The following IMPG2 variants were observed in gnomAD, a reference collection of about 807,000 sequenced individuals.
IMPG2 encodes the protein interphotoreceptor matrix proteoglycan 2, also known as IPM 200.
Under a neutral mutation model 129.2 loss-of-function variants are expected in IMPG2, and 91 were observed. The ratio of observed to expected loss-of-function variants is 0.70; its 90% CI spans 0.59 to 0.84. IMPG2 has a LOEUF of 0.84. IMPG2 is among the 40% of genes least tolerant of loss of function. The pLI, the probability that IMPG2 is intolerant of heterozygous loss-of-function variation, is 0.00. For synonymous variants in IMPG2, 510 were observed against 517.7 expected, an observed-to-expected ratio of 0.99 and a Z score of 0.20; for missense variants, 1,430 against 1,461.7, an observed-to-expected ratio of 0.98 and a Z score of 0.35.
At chr3:101,257,471 A>G (rs2107234512) in intron 10 of IMPG2, 58 bp downstream of exon 10, 1 of 1,598,584 alleles carries the variant, frequency 6.3e-7, no homozygotes, top group East Asian at 2.2e-5. Flanking sequence ...ATTAGTTTAC[A>G]CCAGAGCATA....
chr3:101,232,759 A>T (rs1706303319), intron 15 of IMPG2, 22 bp downstream of exon 15: 1 of 1,609,850 alleles, frequency 6.2e-7, no homozygotes, highest in Non-Finnish European at 8.5e-7. Flanking sequence ...CTCTAAAGTC[A>T]AAATCTGTAA....
chr3:101,230,707 T>G (rs554433937), intron 16 of IMPG2, among the ~76,000 whole-genome samples: 2 of 152,270 alleles, frequency 1.3e-5, no homozygotes, highest in East Asian at 3.9e-4. Flanking sequence ...TCATTAAAAC[T>G]TTTAAGACTC....
At chr3:101,304,123 C>T in intron 3 of IMPG2, 23 bp downstream of exon 3, 1 of 1,612,556 alleles carries the variant, frequency 6.2e-7, no homozygotes, top group Non-Finnish European at 8.5e-7. Flanking sequence ...TCCAGGAATC[C>T]CTTCCTTTGT....
chr3:101,275,231 T>C (rs893437691), intron 6 of IMPG2, among the ~76,000 whole-genome samples: 2 of 152,192 alleles, frequency 1.3e-5, no homozygotes, highest in African/African-American at 4.8e-5. Context: ...TGTTGTTTAG[T>C]GGACAGGTTT....
At chr3:101,299,909 C>A (rs1337360973) in intron 3 of IMPG2, among the ~76,000 whole-genome samples, 1 of 152,188 alleles carries the variant, frequency 6.6e-6, no homozygotes, top group Non-Finnish European at 1.5e-5. Flanking sequence ...ACACACTTAA[C>A]AAAGCACTTT....
At chr3:101,282,357 G>A (rs1036863743) in intron 4 of IMPG2, among the ~76,000 whole-genome samples, 1 of 152,022 alleles carries the variant, frequency 6.6e-6, no homozygotes, top group East Asian at 1.9e-4. Context: ...TCCCACAGTC[G>A]GCAGTCTCCA....
At chr3:101,231,585 A>C (rs1706288307) in intron 15 of IMPG2, among the ~76,000 whole-genome samples, 1 of 152,240 alleles carries the variant, frequency 6.6e-6, no homozygotes, top group Non-Finnish European at 1.5e-5. Flanking sequence ...GGGAAAGGAA[A>C]TCACTGCTTT....
In IMPG2 at chr3:101,228,896, A is replaced by T; in HGVS notation, c.3634-20T>A. The stretch of plus-strand genomic sequence containing the variant: ...AATTTCCTTAAACAAAAAAGAAACA[A>T]TAGGCCACACATTGCATTAGAAAAA... On this transcript the variant is annotated intron_variant, in intron 17 of 18. Coordinates refer to ENST00000193391, the MANE Select transcript of IMPG2 (RefSeq NM_016247.4). 6.4e-7 allele frequency: 1 copy of T among 1,570,202 alleles called. No individual in the cohort carries two copies. Among genetic ancestry groups the T allele is most frequent in the Non-Finnish European group, 8.8e-7 (1 of 1,140,066 alleles).
rs748254660 is a variant in IMPG2 at position 101,319,639 on chromosome 3, T to G, written c.279A>C (p.Pro93=). The part of the protein sequence containing the change: ...ILFPNGVKIC[P]DESVAEAVAN... ...CCACAGCCTCTGCAACACTTTCATC[T>G]GGGCAGATTTTCACTCCATTAGGAA... The change falls in exon 2 of 19, where the codon CCA becomes CCC. Residue 93 remains proline, a synonymous_variant. Transcript: ENST00000193391. 1.2e-6 allele frequency: 2 copies of G among 1,613,650 alleles called. No homozygotes were observed. Among genetic ancestry groups the G allele is most frequent in the East Asian group, 2.2e-5 (1 of 44,888 alleles).
At chr3:101,293,668 T>C (rs1707046079) in intron 3 of IMPG2, among the ~76,000 whole-genome samples, 1 of 152,256 alleles carries the variant, frequency 6.6e-6, no homozygotes, top group Non-Finnish European at 1.5e-5. Flanking sequence ...ATTGAAGTTC[T>C]AGATGGCATC....
rs866822512 is a variant in IMPG2 at position 101,243,965 on chromosome 3, G to A, written c.2366C>T (p.Ser789Phe). 1 of 1,614,146 alleles carries A rather than the reference G, an allele frequency of 6.2e-7. No individual in the cohort carries two copies. Among genetic ancestry groups the A allele is most frequent in the Non-Finnish European group, 8.5e-7 (1 of 1,180,024 alleles). The change falls in exon 13 of 19, where the codon TCC (serine) becomes TTC (phenylalanine). Residue 789 changes from serine (S) to phenylalanine (F), a missense_variant. By Grantham distance (155) the Ser-to-Phe change is radical. Coordinates refer to ENST00000193391, the MANE Select transcript of IMPG2 (RefSeq NM_016247.4). ...ESERVWTRTS[S>F]LEKLSRDILA... ...TATGTCTCTGGACAATTTCTCTAGGGAAGAAGTTCTTGTCCAAACTCTCTC... is the reference window on the plus strand; with the variant it reads ...TATGTCTCTGGACAATTTCTCTAGGAAAGAAGTTCTTGTCCAAACTCTCTC...
At chr3:101,301,981 A>G (rs1051236709) in intron 3 of IMPG2, among the ~76,000 whole-genome samples, 15 of 152,162 alleles carry the variant, frequency 9.9e-5, no homozygotes, top group African/African-American at 3.4e-4. Flanking sequence ...TCAGTTATCC[A>G]TTGTTTTAGT....
At chr3:101,229,692 A>C in intron 16 of IMPG2, 102 bp from the exon 17 acceptor site, 1 of 975,942 alleles carries the variant, frequency 1.0e-6, no homozygotes, top group Admixed American at 2.0e-5. Flanking sequence ...AAACAGGTGC[A>C]CTTTACACAA....
Position 101,262,700 on chromosome 3 carries a change from T to C in IMPG2, c.908+4811A>G, listed in dbSNP as rs558299253. Reference sequence around the variant, plus strand: ...ACAAAATGACATAAGTTCTCTACTGTGAATTATAACCTTGAAGTTAAATAG... The same window carrying C: ...ACAAAATGACATAAGTTCTCTACTGCGAATTATAACCTTGAAGTTAAATAG... On this transcript the variant is annotated intron_variant, in intron 9 of 18. Coordinates refer to ENST00000193391, the MANE Select transcript of IMPG2 (RefSeq NM_016247.4). Among the ~76,000 whole-genome samples, 5 of 151,698 alleles carry C rather than the reference T, an allele frequency of 3.3e-5. No individual in the cohort carries two copies. In the East Asian group the frequency reaches 9.7e-4, roughly 29 times the overall value.
At chr3:101,246,145 G>A (rs748162856) in intron 11 of IMPG2, 40 bp from the exon 12 acceptor site, 1 of 1,596,324 alleles carries the variant, frequency 6.3e-7, no homozygotes, top group Non-Finnish European at 8.6e-7. Flanking sequence ...ATAGATAAAA[G>A]AAACATATAA....
chr3:101,244,568 T>A lies in IMPG2; in HGVS notation c.1763A>T (p.Asp588Val), dbSNP rs746692897. The A allele has an allele frequency of 7.5e-6, 12 of 1,593,930 alleles. No homozygotes were observed. The South Asian group carries it at 1.4e-4, about 18-fold the overall frequency. The change falls in exon 13 of 19, where the codon GAT (aspartate) becomes GTT (valine). Residue 588 changes from aspartate (D) to valine (V), a missense_variant. Asp to Val is a radical substitution (Grantham distance 152). Coordinates refer to ENST00000193391, the MANE Select transcript of IMPG2 (RefSeq NM_016247.4). Reference sequence around the variant, plus strand: ...TATTAACTCTTTTTCCATGGATGCATCTGGCAGGAAAGGGCTCACTTTTAA... The same window carrying A: ...TATTAACTCTTTTTCCATGGATGCAACTGGCAGGAAAGGGCTCACTTTTAA... ...DQLKVSPFLP[D>V]ASMEKELIFD...
At position 101,245,794 on chromosome 3, in the gene IMPG2, T is replaced by C. The variant is rs1264643902; in HGVS notation, c.1543+8A>G. ...TAAGAAGTACGAAAAGCAATTAAAG[T>C]TTCTCACCATCTTCTACCAAGTGAG... is the stretch of plus-strand genomic sequence containing the variant. On this transcript the variant is annotated splice_region_variant and intron_variant, in intron 12 of 18. Transcript: ENST00000193391. 2.5e-6 allele frequency: 4 copies of C among 1,612,404 alleles called. No homozygotes were observed.
At chr3:101,249,410 A>C (rs1706520287) in intron 11 of IMPG2, among the ~76,000 whole-genome samples, 1 of 152,210 alleles carries the variant, frequency 6.6e-6, no homozygotes, top group South Asian at 2.1e-4. Flanking sequence ...AAGGAATGAG[A>C]ATCACTTAAA....
rs971651998 is a variant in IMPG2, at chr3:101,225,439, A to G, written c.*1530T>C. 1 of 152,056 alleles carries G rather than the reference A, an allele frequency of 6.6e-6. No homozygotes were observed. Among genetic ancestry groups the G allele is most frequent in the African/African-American group, 2.4e-5 (1 of 41,380 alleles). The allele number at this position is 152,056 out of a possible 1,614,324, so 9.4% of individuals were successfully genotyped here. On this transcript the variant is annotated 3_prime_UTR_variant, in exon 19 of 19. Coordinates refer to ENST00000193391, the MANE Select transcript of IMPG2 (RefSeq NM_016247.4). ...CGCACACACACATTCACACATACAC[A>G]CACACAACCTGTTATCCATACATAC...
Sources: gnomAD v4.1 joint callset for allele counts (sites outside exome capture counted in the v4.1 genomes callset) on GRCh38, gnomAD v4.1.1 for gene constraint, MANE v1.5 for transcripts, NCBI Gene and HGNC (gene_info 2026-07-23, HGNC 2026-07-21) for gene names.